TCTN3: variants seen among roughly 807,000 people sequenced by gnomAD.
TCTN3 encodes tectonic-3.
Under a neutral mutation model 71.3 loss-of-function variants are expected in TCTN3, and 57 were observed. That is an observed-to-expected ratio of 0.80 (90% CI 0.65 to 1.00). The LOEUF (loss-of-function observed/expected upper bound fraction) is 1.00. Among genes scored for constraint, TCTN3 ranks in the 50% least tolerant of loss-of-function variants. The pLI is 0.00. For synonymous variants in TCTN3, 258 were observed against 267.8 expected, an observed-to-expected ratio of 0.96 and a Z score of 0.36; for missense variants, 696 against 719.9, an observed-to-expected ratio of 0.97 and a Z score of 0.38.
intron 13 of TCTN3, among the ~76,000 whole-genome samples, chr10:95,672,628 C>A (rs766478835): frequency 6.7e-6 from 1 of 150,240 alleles, no homozygotes; most frequent in Non-Finnish European, 1.5e-5. Flanking sequence ...ATGTTGAATA[C>A]CTTTCTATGT....
rs375324103 is a variant in TCTN3 at position 95,682,607 on chromosome 10, G to A, written c.1452+44C>T. 8.2e-6 allele frequency: 13 copies of A among 1,584,360 alleles called. No homozygotes were observed. In the African/African-American group the frequency reaches 1.6e-4, roughly 20 times the overall value. On this transcript the variant is annotated intron_variant, in intron 12 of 13. Coordinates refer to ENST00000371217, the MANE Select transcript of TCTN3 (RefSeq NM_015631.6). Reference sequence around the variant, plus strand: ...AACTTACTATCCAAGATTTACAAAGGGGTAAAAATGAGTCTTCATCAGAAA... The same window carrying A: ...AACTTACTATCCAAGATTTACAAAGAGGTAAAAATGAGTCTTCATCAGAAA...
At chr10:95,689,455 C>T (rs539005869) in intron 3 of TCTN3, among the ~76,000 whole-genome samples, 9 of 152,268 alleles carry the variant, frequency 5.9e-5, no homozygotes, top group African/African-American at 2.2e-4. Context: ...GGAACTCATA[C>T]CCTGAAAACC....
intron 8 of TCTN3, among the ~76,000 whole-genome samples, chr10:95,685,094 T>C (rs1456017104): frequency 1.3e-5 from 2 of 152,228 alleles, no homozygotes; most frequent in African/African-American, 4.8e-5. Flanking sequence ...TTTTTAAGGT[T>C]AGATTGTTTA....
intron 3 of TCTN3, among the ~76,000 whole-genome samples, chr10:95,690,955 A>C (rs2097952945): frequency 6.6e-6 from 1 of 152,182 alleles, no homozygotes; most frequent in Admixed American, 6.5e-5. Context: ...TCATTGATGT[A>C]ATGAACCATA....
At chr10:95,665,509 G>A (rs1275312737) in intron 13 of TCTN3, among the ~76,000 whole-genome samples, 5 of 152,094 alleles carry the variant, frequency 3.3e-5, no homozygotes, top group Non-Finnish European at 7.4e-5. Flanking sequence ...TCGAACTCCT[G>A]ACCTCAAGTG....
intron 3 of TCTN3, among the ~76,000 whole-genome samples, chr10:95,688,969 C>A (rs1442793937): frequency 6.6e-6 from 1 of 152,152 alleles, no homozygotes; most frequent in African/African-American, 2.4e-5. Flanking sequence ...AAGTAATGGT[C>A]ATTTGTACAG....
chr10:95,685,532 A>G, intron 8 of TCTN3, 24 bp downstream of exon 8: 1 of 1,536,960 alleles, frequency 6.5e-7, no homozygotes, highest in Non-Finnish European at 8.8e-7. Flanking sequence ...ACATCAGTCC[A>G]GAATCTGAGG....
chr10:95,673,013 T>G (rs1042243493), intron 13 of TCTN3, among the ~76,000 whole-genome samples: 1 of 152,182 alleles, frequency 6.6e-6, no homozygotes, highest in African/African-American at 2.4e-5. Flanking sequence ...TCTGTTCAAA[T>G]CTTTTGCCCA....
chr10:95,693,131 A>AGAG, intron 2 of TCTN3, 93 bp from the exon 3 acceptor site: 1 of 1,214,928 alleles, frequency 8.2e-7, no homozygotes, highest in Non-Finnish European at 1.2e-6. Flanking sequence ...ATGATGCCAA[A>AGAG]GAGGACTCCT....
intron 13 of TCTN3, among the ~76,000 whole-genome samples, chr10:95,670,384 G>A (rs1247411203): frequency 6.6e-6 from 1 of 151,950 alleles, no homozygotes; most frequent in Non-Finnish European, 1.5e-5. Context: ...TTAAGACAGG[G>A]TCTCACTCTG....
chr10:95,680,340 TCA>T (rs10610157), intron 13 of TCTN3, 130 bp downstream of exon 13: 1 of 661,076 alleles, frequency 1.5e-6, no homozygotes, highest in African/African-American at 3.8e-5. Context: ...TTATGTCAGC[TCA>T]CTTTAAACAA....
rs575856772 is a variant in TCTN3, at chr10:95,691,962, C to T, written c.499+958G>A. ...GCAGGACTGAGATCCTAATCTAATGCTCCTCCTACACTGTTGCCTCATGAA... is the reference window on the plus strand; with the variant it reads ...GCAGGACTGAGATCCTAATCTAATGTTCCTCCTACACTGTTGCCTCATGAA... On this transcript the variant is annotated intron_variant, in intron 3 of 13. Coordinates refer to ENST00000371217, the MANE Select transcript of TCTN3 (RefSeq NM_015631.6). 1.1e-3 allele frequency among the ~76,000 whole-genome samples: 164 copies of T among 152,322 alleles called. 3 individuals carry two copies. The highest frequency in any genetic ancestry group is 8.3e-3 in the South Asian group (40 of 4,830).
chr10:95,677,137 T>C (rs2097937880), intron 13 of TCTN3, among the ~76,000 whole-genome samples: 1 of 152,174 alleles, frequency 6.6e-6, no homozygotes, highest in African/African-American at 2.4e-5. Flanking sequence ...AATTCACTTA[T>C]TGTTTTGGTT....
rs761355369 is a variant in TCTN3, at chr10:95,683,540, A to C, written c.1185T>G (p.Thr395=). 2.0e-5 allele frequency: 32 copies of C among 1,614,100 alleles called. No individual in the cohort carries two copies. The South Asian group carries it at 3.2e-4, about 16-fold the overall frequency. Reference sequence around the variant, plus strand: ...AGGATACTGAGTAACTTATATCATCAGTCAGAGCCAAGAGTGGCTTCCCAA... The same window carrying C: ...AGGATACTGAGTAACTTATATCATCCGTCAGAGCCAAGAGTGGCTTCCCAA... ...YIVGKPLLAL[T]DDISYSMTLL... is the part of the protein sequence containing the mutation. Residue 395 remains threonine, a synonymous_variant, in exon 10 of 14, where the codon ACT becomes ACG. Transcript: ENST00000371217.
At position 95,687,733 on chromosome 10, in the gene TCTN3, TA is replaced by T; in HGVS notation, c.500-15del. 2.5e-6 allele frequency: 4 copies of T among 1,597,168 alleles called. No individual in the cohort carries two copies. Among genetic ancestry groups the T allele is most frequent in the Non-Finnish European group, 2.6e-6 (3 of 1,175,932 alleles). On this transcript the variant is annotated splice_polypyrimidine_tract_variant and intron_variant, in intron 3 of 13. Transcript: ENST00000371217. ...AGTTTAAGTTTGCTAAAATGTTTTT[TA>T]AAAGAAAAAGCGTTTAGATAAAAGA...
At chr10:95,691,813 C>T (rs1015470346) in intron 3 of TCTN3, among the ~76,000 whole-genome samples, 1 of 152,176 alleles carries the variant, frequency 6.6e-6, no homozygotes, top group Admixed American at 6.5e-5. Flanking sequence ...CTTTATTGTA[C>T]TCTACAGTTG....
intron 1 of TCTN3, 50 bp from the exon 2 acceptor site, chr10:95,693,526 C>T: frequency 1.3e-6 from 2 of 1,551,074 alleles, no homozygotes; most frequent in Non-Finnish European, 1.7e-6. Context: ...CCAAACTCTC[C>T]CAGGTGCTCA....
In TCTN3 at chr10:95,686,345, T is replaced by C; in HGVS notation, c.888+150A>G. 3.8e-6 allele frequency: 3 copies of C among 789,526 alleles called. No homozygotes were observed. In the Admixed American group the frequency reaches 6.8e-5, roughly 18 times the overall value. The allele number at this position is 789,526 out of a possible 1,614,324, so 48.9% of individuals were successfully genotyped here. On this transcript the variant is annotated intron_variant, in intron 7 of 13. Coordinates refer to ENST00000371217, the MANE Select transcript of TCTN3 (RefSeq NM_015631.6). Reference sequence around the variant, plus strand: ...AGGCTATTAACTGTATAGGACGTACTTGCAAAGGCACCGTTTTAGATCCCT... The same window carrying C: ...AGGCTATTAACTGTATAGGACGTACCTGCAAAGGCACCGTTTTAGATCCCT...
At position 95,693,304 on chromosome 10, in the gene TCTN3, T is replaced by C. The variant is rs777633010; in HGVS notation, c.380+49A>G. On this transcript the variant is annotated intron_variant, in intron 2 of 13. Transcript: ENST00000371217. ...TCTTCTTACATCCAAATGTTACCCG[T>C]TGTAGGCCCCAAACCCCTTTAGGAT... is the stretch of plus-strand genomic sequence containing the variant. 2.6e-6 allele frequency: 4 copies of C among 1,549,608 alleles called. No individual in the cohort carries two copies. The East Asian group carries it at 9.8e-5, about 38-fold the overall frequency.
Sources: gnomAD v4.1 joint callset for allele counts (sites outside exome capture counted in the v4.1 genomes callset) on GRCh38, gnomAD v4.1.1 for gene constraint, MANE v1.5 for transcripts, NCBI Gene and HGNC (gene_info 2026-07-23, HGNC 2026-07-21) for gene names.